The following MYO1E variants were observed in gnomAD, a reference collection of about 807,000 sequenced individuals.
MYO1E encodes myosin IE, also known as unconventional myosin-Ie.
MYO1E carries 68 observed loss-of-function variants against 151.1 expected under a neutral mutation model. The observed-to-expected ratio is 0.45, with a 90% CI of 0.37 to 0.55. The LOEUF (loss-of-function observed/expected upper bound fraction) is 0.55. Ranked by LOEUF, MYO1E falls within the 20% of genes least tolerant of loss-of-function variation. The pLI, the probability that MYO1E is intolerant of heterozygous loss-of-function variation, is 0.00. For missense variants in MYO1E, 1,363 were observed against 1,389.3 expected, an observed-to-expected ratio of 0.98 and a Z score of 0.30; for synonymous variants, 601 against 501.7, an observed-to-expected ratio of 1.20 and a Z score of -2.64.
At chr15:59,367,940 TA>T (rs1418327109) in intron 1 of MYO1E, among the ~76,000 whole-genome samples, 1 of 151,892 alleles carries the variant, frequency 6.6e-6, no homozygotes, top group African/African-American at 2.4e-5. Context: ...GCCAACATGG[TA>T]AAACCCTGTC....
chr15:59,277,548 C>CAAAA (rs1166969756), intron 1 of MYO1E, among the ~76,000 whole-genome samples: 10 of 42,906 alleles, frequency 2.3e-4, no homozygotes, highest in Admixed American at 7.7e-4. Flanking sequence ...CATCCCCCCA[C>CAAAA]AAAAAAAAAA....
intron 1 of MYO1E, among the ~76,000 whole-genome samples, chr15:59,293,932 A>T (rs780401440): frequency 1.3e-5 from 2 of 152,190 alleles, no homozygotes; most frequent in Non-Finnish European, 2.9e-5. Context: ...GGTCCCTGCT[A>T]CTTGGGAAGC....
At chr15:59,266,886 C>T (rs1267574130) in intron 2 of MYO1E, 1 of 151,734 alleles carries the variant, frequency 6.6e-6, no homozygotes, top group Non-Finnish European at 1.5e-5. Context: ...TGATCTCGAT[C>T]TCCTGACCTT....
At chr15:59,364,197 G>T (rs2080900624) in intron 1 of MYO1E, among the ~76,000 whole-genome samples, 1 of 152,192 alleles carries the variant, frequency 6.6e-6, no homozygotes, top group Admixed American at 6.5e-5. Context: ...ACTCATATTT[G>T]CCAAGGAAGA....
chr15:59,295,296 G>C (rs1421592061), intron 1 of MYO1E, among the ~76,000 whole-genome samples: 1 of 152,004 alleles, frequency 6.6e-6, no homozygotes, highest in African/African-American at 2.4e-5. Flanking sequence ...GAGAGTAAAG[G>C]CATGGACGAG....
At chr15:59,236,366 A>G (rs2080064348) in intron 5 of MYO1E, among the ~76,000 whole-genome samples, 1 of 70,820 alleles carries the variant, frequency 1.4e-5, no homozygotes, top group Non-Finnish European at 3.0e-5. Flanking sequence ...AAAAAAAAAT[A>G]TATACACACA....
intron 1 of MYO1E, among the ~76,000 whole-genome samples, chr15:59,352,853 G>A (rs1416013229): frequency 2.0e-5 from 3 of 152,238 alleles, no homozygotes; most frequent in Non-Finnish European, 2.9e-5. Flanking sequence ...TCAGAAACTG[G>A]AGGAGCCATT....
chr15:59,295,604 G>A (rs994994113), intron 1 of MYO1E, among the ~76,000 whole-genome samples: 7 of 152,142 alleles, frequency 4.6e-5, no homozygotes, highest in African/African-American at 1.4e-4. Context: ...CCCATCCAGC[G>A]AGAGAAAATA....
chr15:59,219,143 G>T (rs1373698959), intron 9 of MYO1E, among the ~76,000 whole-genome samples: 2 of 152,106 alleles, frequency 1.3e-5, no homozygotes, highest in Non-Finnish European at 2.9e-5. Context: ...TGTGGTCTTT[G>T]GATAGAAAAA....
intron 4 of MYO1E, among the ~76,000 whole-genome samples, chr15:59,253,630 C>G (rs941156615): frequency 6.6e-6 from 1 of 152,026 alleles, no homozygotes; most frequent in East Asian, 1.9e-4. Context: ...TACAGGCATG[C>G]GCCGCCATGC....
chr15:59,318,081 C>T (rs1307327185), intron 1 of MYO1E, among the ~76,000 whole-genome samples: 1 of 152,158 alleles, frequency 6.6e-6, no homozygotes, highest in African/African-American at 2.4e-5. Context: ...GATATTTAAT[C>T]AAGACACTGT....
rs150965940 is a variant in MYO1E, at chr15:59,362,432, C to A, written c.3+10066G>T. Among the ~76,000 whole-genome samples the A allele has an allele frequency of 9.0e-4, 137 of 152,266 alleles. 1 individual carries two copies. The highest frequency in any genetic ancestry group is 2.9e-3 in the African/African-American group (122 of 41,544). On this transcript the variant is annotated intron_variant, in intron 1 of 27. Transcript: ENST00000288235. ...GAATGTTTATTTGTTATTATAAACA[C>A]TGTCAGGGAAAAGGTCAGTAGCTTC...
Position 59,161,210 on chromosome 15 carries a change from T to G in MYO1E, c.2648A>C (p.Lys883Thr). 6.2e-7 allele frequency: 1 copy of G among 1,613,704 alleles called. No homozygotes were observed. The highest frequency in any genetic ancestry group is 1.1e-5 in the South Asian group (1 of 91,068). ...FSNTLELKLK[K>T]ENWGPWSAGG... ...TGCACTCCAGGGGCCCCAGTTTTCC[T>G]TTTTCAACTTCAGTTCAAGCCTGCA... The change falls in exon 24 of 28, where the codon AAG becomes ACG. Residue 883 changes from lysine (K) to threonine (T), a missense_variant. Physicochemically the swap from Lys to Thr is moderately conservative, Grantham distance 78. Transcript: ENST00000288235.
intron 26 of MYO1E, among the ~76,000 whole-genome samples, chr15:59,148,576 A>T (rs1275840149): frequency 6.6e-6 from 1 of 152,196 alleles, no homozygotes; most frequent in Non-Finnish European, 1.5e-5. Flanking sequence ...GGATGCCAGG[A>T]ATTCCTCAGC....
chr15:59,198,830 C>CAA (rs10672759), intron 16 of MYO1E, among the ~76,000 whole-genome samples: 12,050 of 146,772 alleles, frequency 0.082, 558 homozygotes, highest in Middle Eastern at 0.14. Flanking sequence ...AGAAAAAAAA[C>CAA]AAAAAAAAAA....
intron 1 of MYO1E, among the ~76,000 whole-genome samples, chr15:59,346,068 G>C (rs905051190): frequency 9.9e-5 from 15 of 152,150 alleles, no homozygotes; most frequent in African/African-American, 2.7e-4. Flanking sequence ...TTGATTCCTG[G>C]AATCAACATT....
intron 15 of MYO1E, among the ~76,000 whole-genome samples, chr15:59,203,698 T>A (rs2079816141): frequency 6.6e-6 from 1 of 152,218 alleles, no homozygotes; most frequent in South Asian, 2.1e-4. Flanking sequence ...TTAGTGGTGC[T>A]ATTTGAGCTG....
intron 17 of MYO1E, 144 bp from the exon 18 acceptor site, chr15:59,188,360 C>A: frequency 2.8e-6 from 2 of 717,544 alleles, no homozygotes; most frequent in Non-Finnish European, 5.0e-6. Flanking sequence ...AAACACTGAG[C>A]TGACCTCTCA....
intron 1 of MYO1E, among the ~76,000 whole-genome samples, chr15:59,318,379 C>T (rs1276192142): frequency 6.6e-6 from 1 of 152,174 alleles, no homozygotes; most frequent in African/African-American, 2.4e-5. Context: ...ATGAAAGCCC[C>T]TGCTTTTCCC....
Sources: gnomAD v4.1 joint callset for allele counts (sites outside exome capture counted in the v4.1 genomes callset) on GRCh38, gnomAD v4.1.1 for gene constraint, MANE v1.5 for transcripts, NCBI Gene and HGNC (gene_info 2026-07-23, HGNC 2026-07-21) for gene names.